MASP2: variants seen among roughly 807,000 people sequenced by gnomAD.
The protein encoded by MASP2 is mannan-binding lectin serine protease 2.
MASP2 carries 49 observed loss-of-function variants against 57.1 expected under a neutral mutation model. The ratio of observed to expected loss-of-function variants is 0.86; its 90% CI spans 0.68 to 1.09. MASP2 has a LOEUF of 1.09. Among genes scored for constraint, MASP2 ranks in the 50% least tolerant of loss-of-function variants. The pLI is 0.00. For missense variants in MASP2, 900 were observed against 874.8 expected (o/e 1.03, Z -0.36); for synonymous variants, 379 against 340.8 (o/e 1.11, Z -1.24).
In MASP2 at chr1:11,026,707, G is replaced by T; in HGVS notation, c.*178C>A. 2.2e-6 allele frequency: 1 copy of T among 463,138 alleles called. No individual in the cohort carries two copies. Among genetic ancestry groups the T allele is most frequent in the Non-Finnish European group, 3.7e-6 (1 of 272,002 alleles). The allele number at this position is 463,138 out of a possible 1,614,324, so 28.7% of individuals were successfully genotyped here. On this transcript the variant is annotated 3_prime_UTR_variant, in exon 11 of 11. Coordinates refer to ENST00000400897, the MANE Select transcript of MASP2 (RefSeq NM_006610.4). ...ATGTCCCCTTGAGTCAATGGGTAAGGCTGGAATTAAACTGGCAAGTGGAGA... is the reference window on the plus strand; with the variant it reads ...ATGTCCCCTTGAGTCAATGGGTAAGTCTGGAATTAAACTGGCAAGTGGAGA...
At chr1:11,037,923 G>T in intron 6 of MASP2, 112 bp from the exon 7 acceptor site, 1 of 570,924 alleles carries the variant, frequency 1.8e-6, no homozygotes, top group Non-Finnish European at 3.1e-6. Flanking sequence ...TGTAAAGAGA[G>T]CTCACCATAC....
At chr1:11,041,766 A>ATGGGTAGGATTGGTAGGT (rs1638456482) in intron 6 of MASP2, among the ~76,000 whole-genome samples, 2 of 760 alleles carry the variant, frequency 2.6e-3, no homozygotes, top group East Asian at 0.029. Flanking sequence ...GGATGGATGG[A>ATGGGTAGGATTGGTAGGT]AGAATGGGTG....
intron 8 of MASP2, 66 bp downstream of exon 8, chr1:11,034,762 C>G (rs1238085968): frequency 1.1e-5 from 11 of 1,023,320 alleles, no homozygotes; most frequent in Non-Finnish European, 1.6e-5. Context: ...GCAATAGAAG[C>G]AGCAACAGTA....
At chr1:11,046,389 G>A (rs1235160552) in intron 3 of MASP2, 167 bp downstream of exon 3, 3 of 723,332 alleles carry the variant, frequency 4.1e-6, no homozygotes. Context: ...GTGAATGGAG[G>A]TCACGGCTGT....
chr1:11,046,852 C>G (rs66761147), intron 2 of MASP2, 39 bp downstream of exon 2: 1 of 1,550,908 alleles, frequency 6.4e-7, no homozygotes, highest in Non-Finnish European at 8.7e-7. Flanking sequence ...GGGGACCCCC[C>G]GACCCTGAGA....
intron 3 of MASP2, 106 bp from the exon 4 acceptor site, chr1:11,045,645 G>T: frequency 7.7e-7 from 1 of 1,298,788 alleles, no homozygotes; most frequent in Non-Finnish European, 1.0e-6. Flanking sequence ...CTCAGAGGAG[G>T]CCTCGTCCTG....
chr1:11,032,663 C>T (rs1031983209), intron 8 of MASP2, among the ~76,000 whole-genome samples: 2 of 148,870 alleles, frequency 1.3e-5, no homozygotes, highest in African/African-American at 5.0e-5. Flanking sequence ...AATCCCAACA[C>T]TTTGGGAGGC....
intron 2 of MASP2, 68 bp from the exon 3 acceptor site, chr1:11,046,801 G>A (rs1638655388): frequency 6.4e-7 from 1 of 1,561,060 alleles, no homozygotes; most frequent in Non-Finnish European, 8.7e-7. Flanking sequence ...GGCCAAGCCT[G>A]GCCCCTGCTC....
chr1:11,029,906 G>A (rs898621807), intron 10 of MASP2: 4 of 270,888 alleles, frequency 1.5e-5, no homozygotes, highest in Non-Finnish European at 2.8e-5. Context: ...TTACAGGCGT[G>A]AGCCACACCT....
chr1:11,044,827 C>T lies in MASP2; in HGVS notation c.544+581G>A, dbSNP rs1638577104. 9 of 1,549,758 alleles carry T rather than the reference C, an allele frequency of 5.8e-6. No homozygotes were observed. In the East Asian group the frequency reaches 2.2e-4, roughly 38 times the overall value. ...GTGGGGCCAGGTTTATTATTGGGTC[C>T]ATGGTGGGTGAATGGGAGTTGGGGC... On this transcript the variant is annotated intron_variant, in intron 4 of 10. Transcript: ENST00000400897.
At position 11,027,572 on chromosome 1, in the gene MASP2, C is replaced by T; in HGVS notation, c.1374G>A (p.Trp458Ter). 2 of 1,614,138 alleles carry T rather than the reference C, an allele frequency of 1.2e-6. No individual in the cohort carries two copies. The highest frequency in any genetic ancestry group is 3.3e-4 in the Middle Eastern group (2 of 6,062). ...GQKAKPGDFP[W>*]QVLILGGTTA... ...TGGTTCCACCTAATATCAGGACTTG[C>T]CAAGGAAAATCACCAGGTTTTGCCT... Residue 458 changes from tryptophan to a stop codon, truncating the protein, a stop_gained, in exon 11 of 11, where the codon TGG becomes TGA. Coordinates refer to ENST00000400897, the MANE Select transcript of MASP2 (RefSeq NM_006610.4). LOFTEE classifies it low-confidence loss of function (END_TRUNC).
intron 6 of MASP2, among the ~76,000 whole-genome samples, chr1:11,040,465 TAAAA>T (rs61379703): frequency 3.1e-5 from 3 of 96,302 alleles, no homozygotes; most frequent in Admixed American, 1.2e-4. Context: ...AGTCTTTGTC[TAAAA>T]AAAAAAAAAA....
In MASP2 at chr1:11,047,208, G is replaced by A; in HGVS notation, c.-1C>T. On this transcript the variant is annotated 5_prime_UTR_variant, in exon 1 of 11. Coordinates refer to ENST00000400897, the MANE Select transcript of MASP2 (RefSeq NM_006610.4). ...GGCTGTGGGCGCCCACCTACCTCAT[G>A]GTGTGCCCGTCCAGCTGGCCTGGCC... 1 of 1,562,820 alleles carries A rather than the reference G, an allele frequency of 6.4e-7. No individual in the cohort carries two copies. The highest frequency in any genetic ancestry group is 8.6e-7 in the Non-Finnish European group (1 of 1,156,558).
intron 6 of MASP2, among the ~76,000 whole-genome samples, chr1:11,039,017 TACTCTTCTGCCACCTAGA>T (rs113332302): frequency 0.082 from 12,469 of 152,198 alleles, 1,008 homozygotes; most frequent in African/African-American, 0.2. Flanking sequence ...CTTTTGCACA[TACTCTTCTGCCACCTAGA>T]ACTCTTCTGC....
chr1:11,044,772 C>CCCCCCCCCACA, intron 4 of MASP2: 1 of 1,375,074 alleles, frequency 7.3e-7, no homozygotes, highest in Non-Finnish European at 9.7e-7. Flanking sequence ...CCCGACCCTC[C>CCCCCCCCCACA]CACCCCAGAG....
At chr1:11,028,713 T>TGG (rs1557665526) in intron 10 of MASP2, among the ~76,000 whole-genome samples, 31 of 138,616 alleles carry the variant, frequency 2.2e-4, no homozygotes, top group African/African-American at 7.7e-4. Context: ...TTTCTTTTTT[T>TGG]TTTTTTTTTT....
rs564145816 is a variant in MASP2, at chr1:11,034,823, C to T, written c.1087+5G>A. 3.2e-5 allele frequency: 51 copies of T among 1,608,758 alleles called. No homozygotes were observed. The South Asian group carries it at 3.9e-4, about 12-fold the overall frequency. On this transcript the variant is annotated splice_donor_5th_base_variant and intron_variant, in intron 8 of 10. Coordinates refer to ENST00000400897, the MANE Select transcript of MASP2 (RefSeq NM_006610.4). ...ATGGGGCCTGTAGTCACCACACGAC[C>T]GTACTGCTGCACGCGGGCATTGGCC...
chr1:11,044,631 G>A (rs1219075217), intron 4 of MASP2, among the ~76,000 whole-genome samples: 2 of 152,140 alleles, frequency 1.3e-5, no homozygotes, highest in Non-Finnish European at 2.9e-5. Context: ...CCCTCTCCGG[G>A]CCTCAGTGCC....
Position 11,027,518 on chromosome 1 carries a change from G to A in MASP2, c.1428C>T (p.Asn476=). The change falls in exon 11 of 11, where the codon AAC becomes AAT. Residue 476 remains asparagine (N), a synonymous_variant. Transcript: ENST00000400897. ...CGGCATGAGCAGCTGTTAGGACCCA[G>A]TTGTCATATAAAAGTGCACCTGCTG... ...TTAAGALLYD[N]WVLTAAHAVY... is the part of the protein sequence containing the mutation. 1 of 1,614,160 alleles carries A rather than the reference G, an allele frequency of 6.2e-7. No homozygotes were observed. Among genetic ancestry groups the A allele is most frequent in the Non-Finnish European group, 8.5e-7 (1 of 1,180,034 alleles).
Sources: gnomAD v4.1 joint callset for allele counts (sites outside exome capture counted in the v4.1 genomes callset) on GRCh38, gnomAD v4.1.1 for gene constraint, MANE v1.5 for transcripts, NCBI Gene and HGNC (gene_info 2026-07-23, HGNC 2026-07-21) for gene names.